The following PDE4B variants were observed in gnomAD, a reference collection of about 807,000 sequenced individuals.
PDE4B encodes 3',5'-cyclic-AMP phosphodiesterase 4B.
A neutral mutation model predicts 82.2 loss-of-function variants in PDE4B; 20 were observed. The ratio of observed to expected loss-of-function variants is 0.24; its 90% CI spans 0.17 to 0.35. The LOEUF is 0.35. Ranked by LOEUF, PDE4B falls within the 10% of genes least tolerant of loss-of-function variation. The pLI is 1.00. For missense variants in PDE4B, 655 were observed against 907.2 expected, an observed-to-expected ratio of 0.72 and a Z score of 3.57; for synonymous variants, 320 against 318.9, an observed-to-expected ratio of 1.00 and a Z score of -0.04.
chr1:65,995,758 C>G (rs1651506879), intron 3 of PDE4B, among the ~76,000 whole-genome samples: 1 of 152,114 alleles, frequency 6.6e-6, no homozygotes, highest in Non-Finnish European at 1.5e-5. Context: ...GTTAGAAATT[C>G]CAAGATATGC....
intron 3 of PDE4B, among the ~76,000 whole-genome samples, chr1:66,145,925 G>C (rs1646259250): frequency 6.6e-6 from 1 of 152,102 alleles, no homozygotes; most frequent in African/African-American, 2.4e-5. Context: ...TTAAGATTTT[G>C]TGTGTGTCTG....
chr1:65,951,999 A>G (rs984077170), intron 3 of PDE4B, among the ~76,000 whole-genome samples: 1 of 152,124 alleles, frequency 6.6e-6, no homozygotes, highest in Admixed American at 6.6e-5. Context: ...AGATTCTCCT[A>G]AGGGACCTTC....
At chr1:65,816,173 T>C (rs1051166274) in intron 1 of PDE4B, among the ~76,000 whole-genome samples, 2 of 150,698 alleles carry the variant, frequency 1.3e-5, no homozygotes, top group African/African-American at 4.9e-5. Context: ...GTTTCTGTTT[T>C]TAGTGATTAT....
chr1:66,210,639 A>G (rs1649969660), intron 3 of PDE4B, among the ~76,000 whole-genome samples: 3 of 151,600 alleles, frequency 2.0e-5, no homozygotes, highest in Admixed American at 6.6e-5. Context: ...AAAAAAGAAA[A>G]GAAAAGAAAG....
chr1:65,855,933 A>G (rs979322454), intron 1 of PDE4B, among the ~76,000 whole-genome samples: 3 of 151,954 alleles, frequency 2.0e-5, no homozygotes, highest in Admixed American at 6.6e-5. Flanking sequence ...CTCTTTTTCT[A>G]GGTCTGAAAG....
Position 66,102,742 on chromosome 1 carries a change from T to A in PDE4B, c.282-144718T>A, listed in dbSNP as rs546424530. On this transcript the variant is annotated intron_variant, in intron 3 of 16. Transcript: ENST00000341517. ...TAGATCTACTTCTTCAATTTCCAGT[T>A]GAAAAGACTGAGACTCACTTTCTTG... Among the ~76,000 whole-genome samples the A allele has an allele frequency of 4.6e-5, 7 of 152,222 alleles. No individual in the cohort carries two copies. In the East Asian group the frequency reaches 1.4e-3, roughly 29 times the overall value.
At chr1:66,287,206 C>T (rs757023164) in intron 7 of PDE4B, among the ~76,000 whole-genome samples, 4 of 152,114 alleles carry the variant, frequency 2.6e-5, no homozygotes, top group Admixed American at 6.6e-5. Flanking sequence ...CCACAACTGG[C>T]GAGTGGAGCC....
rs574039872 is a variant in PDE4B at position 65,953,395 on chromosome 1, G to C, written c.281+34560G>C. Among the ~76,000 whole-genome samples, 50 of 152,210 alleles carry C rather than the reference G, an allele frequency of 3.3e-4. 2 individuals are homozygous for C. The South Asian group carries it at 0.01, about 31-fold the overall frequency. On this transcript the variant is annotated intron_variant, in intron 3 of 16. Transcript: ENST00000341517. ...AGATGTGATTAAGTTCAGGGCTTGA[G>C]ATGGGGTGGTGATCCTAGATAATCT...
rs577636638 is a variant in PDE4B, at chr1:66,365,661, C to T, written c.1285-6C>T. On this transcript the variant is annotated splice_region_variant and splice_polypyrimidine_tract_variant and intron_variant, in intron 12 of 16. Transcript: ENST00000341517. ...GTGTAGTTAAATGTGTTTATTTGCC[C>T]GACAGGCTGTCTTCACAGATTTGGA... The T allele has an allele frequency of 6.3e-6, 10 of 1,585,508 alleles. No individual in the cohort carries two copies. The highest frequency in any genetic ancestry group is 4.5e-5 in the East Asian group (2 of 44,554).
At chr1:66,138,580 A>G (rs1646107583) in intron 3 of PDE4B, among the ~76,000 whole-genome samples, 2 of 152,186 alleles carry the variant, frequency 1.3e-5, no homozygotes, top group South Asian at 4.1e-4. Context: ...TTGCAAAATG[A>G]CTAGGCATTT....
At chr1:66,282,128 G>A (rs914927150) in intron 7 of PDE4B, among the ~76,000 whole-genome samples, 1 of 152,166 alleles carries the variant, frequency 6.6e-6, no homozygotes, top group Admixed American at 6.5e-5. Context: ...AGCTGTCTCT[G>A]AACAATACCA....
intron 1 of PDE4B, among the ~76,000 whole-genome samples, chr1:65,808,170 T>C (rs958944287): frequency 5.2e-5 from 7 of 134,044 alleles, no homozygotes; most frequent in Non-Finnish European, 1.1e-4. Flanking sequence ...AGACAAACAC[T>C]TTTTTTTTTT....
At chr1:66,155,161 G>A (rs17128467) in intron 3 of PDE4B, among the ~76,000 whole-genome samples, 13,490 of 152,146 alleles carry the variant, frequency 0.089, 1,289 homozygotes, top group African/African-American at 0.23. Flanking sequence ...ATAGATTGGA[G>A]CTGAAATCAA....
At chr1:65,848,593 C>T (rs1437371460) in intron 1 of PDE4B, among the ~76,000 whole-genome samples, 2 of 152,096 alleles carry the variant, frequency 1.3e-5, no homozygotes, top group Non-Finnish European at 2.9e-5. Flanking sequence ...TATGCTATCA[C>T]CATAGATTAA....
chr1:65,797,304 C>T (rs1257049133), intron 1 of PDE4B, among the ~76,000 whole-genome samples: 1 of 152,184 alleles, frequency 6.6e-6, no homozygotes, highest in Non-Finnish European at 1.5e-5. Context: ...ATTCCAACAT[C>T]TGATTCACTT....
intron 2 of PDE4B, among the ~76,000 whole-genome samples, chr1:65,917,150 C>T (rs1647171236): frequency 6.6e-6 from 1 of 152,194 alleles, no homozygotes; most frequent in South Asian, 2.1e-4. Flanking sequence ...GCTATTGTAT[C>T]CTTAAATAGC....
chr1:66,041,831 C>A lies in PDE4B; in HGVS notation c.281+122996C>A, dbSNP rs12760558. On this transcript the variant is annotated intron_variant, in intron 3 of 16. Coordinates refer to ENST00000341517, the MANE Select transcript of PDE4B (RefSeq NM_002600.4). ...ACACACACACACACACACACACATA[C>A]ACACACACACACACACAGAATACCT... is the stretch of plus-strand genomic sequence containing the variant. Among the ~76,000 whole-genome samples the A allele has an allele frequency of 1.1e-4, 14 of 124,160 alleles. No homozygotes were observed. In the South Asian group the frequency reaches 3.3e-3, roughly 29 times the overall value. The allele number at this position is 124,160 out of a possible 152,430, so 81.5% of individuals were successfully genotyped here.
At chr1:66,060,182 C>T (rs1354084995) in intron 3 of PDE4B, among the ~76,000 whole-genome samples, 1 of 152,182 alleles carries the variant, frequency 6.6e-6, no homozygotes, top group African/African-American at 2.4e-5. Context: ...CTTCATTTGT[C>T]ACCGAGTTGT....
intron 1 of PDE4B, among the ~76,000 whole-genome samples, chr1:65,902,240 A>G (rs1373004395): frequency 6.6e-6 from 1 of 152,094 alleles, no homozygotes; most frequent in East Asian, 1.9e-4. Flanking sequence ...GCAATGTTTT[A>G]ACACTTTCTT....
Sources: gnomAD v4.1 joint callset for allele counts (sites outside exome capture counted in the v4.1 genomes callset) on GRCh38, gnomAD v4.1.1 for gene constraint, MANE v1.5 for transcripts, NCBI Gene and HGNC (gene_info 2026-07-23, HGNC 2026-07-21) for gene names.